Variants in CCDC73 observed in about 807,000 individuals in gnomAD.
CCDC73 encodes the protein coiled-coil domain-containing protein 73.
In CCDC73, 95 loss-of-function variants were observed where a neutral mutation model predicts 116.5. That is an observed-to-expected ratio of 0.82 (90% CI 0.69 to 0.97). The LOEUF (loss-of-function observed/expected upper bound fraction) is 0.97, where lower values mean the gene tolerates loss of function less well. Among genes scored for constraint, CCDC73 ranks in the 50% least tolerant of loss-of-function variants. The probability of loss-of-function intolerance (pLI) is 0.00; values close to 1 mark genes in which losing one functional copy is unlikely to be tolerated. For synonymous variants in CCDC73, 398 were observed against 401.3 expected (o/e 0.99, Z 0.10); for missense variants, 1,066 against 1,206.8 (o/e 0.88, Z 1.73).
intron 1 of CCDC73, among the ~76,000 whole-genome samples, chr11:32,765,438 T>C (rs907076211): frequency 1.3e-5 from 2 of 152,230 alleles, no homozygotes; most frequent in East Asian, 3.9e-4. Flanking sequence ...GCAATCAAAC[T>C]AGAACTCAGG....
upstream of CCDC73, among the ~76,000 whole-genome samples, chr11:32,799,090 CA>C (rs1411005710): frequency 3.6e-4 from 37 of 101,432 alleles, no homozygotes; most frequent in African/African-American, 1.1e-3. Flanking sequence ...TTTTTCTTTT[CA>C]TTTTTTTTTT....
the CCDC73 span, among the ~76,000 whole-genome samples, chr11:32,804,725 C>T: frequency 2.0e-5 from 3 of 152,244 alleles, no homozygotes; most frequent in African/African-American, 7.2e-5. Flanking sequence ...TTATGATAGT[C>T]TCTAATGTAA....
chr11:32,639,583 G>C (rs558063419), intron 13 of CCDC73, among the ~76,000 whole-genome samples: 1 of 152,060 alleles, frequency 6.6e-6, no homozygotes, highest in Non-Finnish European at 1.5e-5. Flanking sequence ...CAAGCAGCTG[G>C]GATTACAGGT....
Position 32,613,697 on chromosome 11 carries a change from G to A in CCDC73, c.2621C>T (p.Ser874Phe). ...TCCGCTTCTGTTTACTAAATCTCCA[G>A]ATGGCTCTATGTGAAATGAATGTGA... ...EESHSFHIEP[S>F]GDLVNRSGRS... Residue 874 changes from serine to phenylalanine, a missense_variant, in exon 16 of 18, where the codon TCT becomes TTT. Transcript: ENST00000335185. 6.2e-7 allele frequency: 1 copy of A among 1,614,062 alleles called. No homozygotes were observed. The highest frequency in any genetic ancestry group is 8.5e-7 in the Non-Finnish European group (1 of 1,179,986).
intron 9 of CCDC73, among the ~76,000 whole-genome samples, chr11:32,662,431 G>A (rs1855938062): frequency 6.6e-6 from 1 of 152,106 alleles, no homozygotes; most frequent in South Asian, 2.1e-4. Context: ...TTCTCTGATG[G>A]CCAGTGATGA....
In CCDC73 at chr11:32,614,122, A is replaced by G. The variant is rs1430506981; in HGVS notation, c.2196T>C (p.Ser732=). Residue 732 remains serine (S), a synonymous_variant, in exon 16 of 18, where the codon AGT becomes AGC. Coordinates refer to ENST00000335185, the MANE Select transcript of CCDC73 (RefSeq NM_001008391.4). ...LLKNSDKNVH[S]MSMLVKPNSS... The stretch of plus-strand genomic sequence containing the variant: ...AGTTAGGTTTCACCAACATAGACAT[A>G]CTATGGACATTTTTATCTGAGTTCT... 3.1e-6 allele frequency: 5 copies of G among 1,613,568 alleles called. No individual in the cohort carries two copies. The Admixed American group carries it at 6.7e-5, about 22-fold the overall frequency.
intron 9 of CCDC73, among the ~76,000 whole-genome samples, chr11:32,657,050 C>T (rs1250672225): frequency 2.0e-5 from 3 of 152,102 alleles, no homozygotes; most frequent in Non-Finnish European, 2.9e-5. Flanking sequence ...GAAAATGACT[C>T]AATCCTAAGA....
chr11:32,807,267 G>C, the CCDC73 span, among the ~76,000 whole-genome samples: 12 of 152,254 alleles, frequency 7.9e-5, no homozygotes, highest in East Asian at 1.9e-3. Flanking sequence ...CTGTTTACTC[G>C]TATAGCTTCC....
the CCDC73 span, among the ~76,000 whole-genome samples, chr11:32,818,973 C>G: frequency 8.7e-3 from 1,317 of 152,132 alleles, 6 homozygotes; most frequent in Non-Finnish European, 0.014. Context: ...TGAAAATGTT[C>G]CATAATTAGA....
intron 9 of CCDC73, among the ~76,000 whole-genome samples, chr11:32,673,749 T>G (rs1856060091): frequency 6.6e-6 from 1 of 152,170 alleles, no homozygotes; most frequent in African/African-American, 2.4e-5. Context: ...AAACATCAAC[T>G]AGGATAACCT....
chr11:32,799,742 A>G, the CCDC73 span, among the ~76,000 whole-genome samples: 1 of 152,226 alleles, frequency 6.6e-6, no homozygotes, highest in African/African-American at 2.4e-5. Flanking sequence ...GAATAAGCAC[A>G]GTGACTCCCT....
At chr11:32,745,869 CTCTT>C (rs1590626897) in intron 2 of CCDC73, among the ~76,000 whole-genome samples, 2 of 151,488 alleles carry the variant, frequency 1.3e-5, no homozygotes, top group East Asian at 3.9e-4. Flanking sequence ...TGGGTCTTGA[CTCTT>C]TATCCAGTTT....
chr11:32,661,205 A>G (rs1855919359), intron 9 of CCDC73, among the ~76,000 whole-genome samples: 2 of 152,074 alleles, frequency 1.3e-5, no homozygotes, highest in Admixed American at 6.5e-5. Context: ...GAATATAAGG[A>G]GCTGGTAGTT....
At chr11:32,721,666 T>C (rs1424402451) in intron 2 of CCDC73, among the ~76,000 whole-genome samples, 1 of 151,720 alleles carries the variant, frequency 6.6e-6, no homozygotes, top group Non-Finnish European at 1.5e-5. Flanking sequence ...CGATCTCAGT[T>C]CACTGCAAGC....
intron 3 of CCDC73, among the ~76,000 whole-genome samples, chr11:32,716,944 T>G (rs1393023138): frequency 6.6e-6 from 1 of 152,220 alleles, no homozygotes; most frequent in Non-Finnish European, 1.5e-5. Flanking sequence ...AGATATAACT[T>G]TACATTTTAA....
chr11:32,775,394 CCA>C (rs1254819614), intron 1 of CCDC73, among the ~76,000 whole-genome samples: 1 of 152,166 alleles, frequency 6.6e-6, no homozygotes, highest in East Asian at 1.9e-4. Flanking sequence ...TCAGTAAGCA[CCA>C]CACCTAATCA....
intron 1 of CCDC73, among the ~76,000 whole-genome samples, chr11:32,773,105 T>TA (rs1342573572): frequency 6.6e-6 from 1 of 152,114 alleles, no homozygotes; most frequent in Non-Finnish European, 1.5e-5. Context: ...AGGGGTGAAG[T>TA]AATGACACAT....
intron 9 of CCDC73, among the ~76,000 whole-genome samples, chr11:32,673,297 G>T (rs1349619653): frequency 6.6e-6 from 1 of 152,140 alleles, no homozygotes; most frequent in African/African-American, 2.4e-5. Flanking sequence ...AGTGGGAGAG[G>T]TTGTGCATGT....
chr11:32,753,552 C>T (rs1242044099), intron 2 of CCDC73, among the ~76,000 whole-genome samples: 1 of 152,040 alleles, frequency 6.6e-6, no homozygotes, highest in Non-Finnish European at 1.5e-5. Flanking sequence ...GCAACCTCCA[C>T]CTCCTGGGTT....
Sources: allele counts gnomAD v4.1 joint callset (sites outside exome capture counted in the v4.1 genomes callset), GRCh38; gene constraint gnomAD v4.1.1; transcripts MANE v1.5; gene names NCBI Gene and HGNC (gene_info 2026-07-23, HGNC 2026-07-21).